PROX1: variants seen among roughly 807,000 people sequenced by gnomAD.
PROX1 encodes prospero homeobox protein 1.
A neutral mutation model predicts 58.8 loss-of-function variants in PROX1; 7 were observed. The observed-to-expected ratio is 0.12, with a 90% CI of 0.07 to 0.22. The LOEUF is 0.22. Ranked by LOEUF, PROX1 falls within the 10% of genes least tolerant of loss-of-function variation. The pLI, the probability that PROX1 is intolerant of heterozygous loss-of-function variation, is 1.00. For missense variants in PROX1, 675 were observed against 927.8 expected, an observed-to-expected ratio of 0.73 and a Z score of 3.54; for synonymous variants, 350 against 358.3, an observed-to-expected ratio of 0.98 and a Z score of 0.26.
chr1:213,995,276 G>A (rs1239529208), intron 1 of PROX1, among the ~76,000 whole-genome samples: 1 of 152,196 alleles, frequency 6.6e-6, no homozygotes. Flanking sequence ...TTTGGGATTA[G>A]CATCACTAGT....
intron 1 of PROX1, among the ~76,000 whole-genome samples, chr1:213,992,046 G>A (rs905109082): frequency 2.0e-5 from 3 of 152,130 alleles, no homozygotes; most frequent in Non-Finnish European, 4.4e-5. Flanking sequence ...AGAAAAAAGT[G>A]TATTTTCTTA....
intron 1 of PROX1, among the ~76,000 whole-genome samples, chr1:213,994,744 C>T (rs1663179206): frequency 9.2e-6 from 1 of 108,724 alleles, no homozygotes; most frequent in African/African-American, 3.5e-5. Flanking sequence ...CATTCTCAAG[C>T]ATGCAAATAT....
rs989742106 is a variant in PROX1 at position 214,005,215 on chromosome 1, T to C, written c.1776T>C (p.Phe592=). ...ACTTGAAAAAAGCAAAGCTCATGTT[T>C]TTTTATACCCGTTATCCCAGCTCCA... The part of the protein sequence containing the change: ...PNHLKKAKLM[F]FYTRYPSSNM... The change falls in exon 3 of 5, where the codon TTT becomes TTC. Residue 592 remains phenylalanine, a synonymous_variant. Transcript: ENST00000366958. 6.2e-7 allele frequency: 1 copy of C among 1,614,140 alleles called. No homozygotes were observed. Among genetic ancestry groups the C allele is most frequent in the Admixed American group, 1.7e-5 (1 of 60,010 alleles).
chr1:214,027,268 G>T (rs1477429478), intron 4 of PROX1, among the ~76,000 whole-genome samples: 1 of 149,676 alleles, frequency 6.7e-6, no homozygotes, highest in African/African-American at 2.5e-5. Flanking sequence ...GAGCACAGAA[G>T]AGAGCAGCTT....
At chr1:214,001,687 G>A (rs139701576) in intron 2 of PROX1, among the ~76,000 whole-genome samples, 13 of 152,216 alleles carry the variant, frequency 8.5e-5, no homozygotes, top group African/African-American at 3.1e-4. Flanking sequence ...CCATAGATTA[G>A]AAATGAATTT....
intron 2 of PROX1, among the ~76,000 whole-genome samples, chr1:214,003,534 A>G (rs1018679511): frequency 6.6e-6 from 1 of 152,202 alleles, no homozygotes; most frequent in Non-Finnish European, 1.5e-5. Flanking sequence ...TCGTCTTTGT[A>G]ATCATTAAGG....
At chr1:214,010,335 AT>A (rs1473296479) in intron 3 of PROX1, among the ~76,000 whole-genome samples, 1 of 152,086 alleles carries the variant, frequency 6.6e-6, no homozygotes, top group Non-Finnish European at 1.5e-5. Context: ...TCTGCCATAA[AT>A]TTTCATTCAT....
At chr1:214,013,991 G>A (rs571137371) in intron 4 of PROX1, among the ~76,000 whole-genome samples, 4 of 152,108 alleles carry the variant, frequency 2.6e-5, no homozygotes, top group African/African-American at 4.8e-5. Context: ...GCACACACGC[G>A]TACCGACCAC....
At chr1:214,017,547 C>T (rs748500295) in intron 4 of PROX1, among the ~76,000 whole-genome samples, 7 of 151,572 alleles carry the variant, frequency 4.6e-5, no homozygotes, top group Non-Finnish European at 1.0e-4. Flanking sequence ...CTGTAACCTA[C>T]CCTGTGGCTT....
intron 3 of PROX1, among the ~76,000 whole-genome samples, chr1:214,009,376 T>G (rs1438973102): frequency 2.6e-5 from 4 of 152,214 alleles, no homozygotes; most frequent in African/African-American, 9.6e-5. Flanking sequence ...ATTGATCCTT[T>G]TCTTGTAAGC....
intron 4 of PROX1, among the ~76,000 whole-genome samples, chr1:214,019,412 C>A (rs772576956): frequency 6.6e-6 from 1 of 152,216 alleles, no homozygotes; most frequent in Non-Finnish European, 1.5e-5. Flanking sequence ...CCTGCTGCCT[C>A]TTTTCCTTTT....
upstream of PROX1, chr1:213,985,114 T>C (rs562283992): frequency 6.6e-5 from 10 of 152,338 alleles, no homozygotes; most frequent in East Asian, 1.4e-3. Context: ...ACAAGACCGG[T>C]CAGAACTTGC....
At chr1:214,021,270 A>C (rs1042483299) in intron 4 of PROX1, among the ~76,000 whole-genome samples, 1 of 152,234 alleles carries the variant, frequency 6.6e-6, no homozygotes, top group Non-Finnish European at 1.5e-5. Flanking sequence ...TTAAGATAAT[A>C]ATTCTCTAAG....
intron 4 of PROX1, among the ~76,000 whole-genome samples, chr1:214,031,540 ACTGTTACCAC>A (rs1480700729): frequency 6.6e-6 from 1 of 151,876 alleles, no homozygotes; most frequent in Non-Finnish European, 1.5e-5. Flanking sequence ...GACTTGATTG[ACTGTTACCAC>A]CTGATGCTGA....
At position 214,034,266 on chromosome 1, in the gene PROX1, C is replaced by G. The variant is rs373682899; in HGVS notation, c.2029-1383C>G. On this transcript the variant is annotated intron_variant, in intron 4 of 4. Coordinates refer to ENST00000366958, the MANE Select transcript of PROX1 (RefSeq NM_001270616.2). Reference sequence around the variant, plus strand: ...TACTATTGTTAAAAAGTACATTGCACCCAAGGTGGGAAGAAAGAGATGAAA... The same window carrying G: ...TACTATTGTTAAAAAGTACATTGCAGCCAAGGTGGGAAGAAAGAGATGAAA... Among the ~76,000 whole-genome samples the G allele has an allele frequency of 3.3e-4, 50 of 152,250 alleles. No individual in the cohort carries two copies. In the South Asian group the frequency reaches 0.01, roughly 31 times the overall value.
At chr1:214,021,951 T>TA (rs1359471425) in intron 4 of PROX1, among the ~76,000 whole-genome samples, 1 of 152,236 alleles carries the variant, frequency 6.6e-6, no homozygotes, top group African/African-American at 2.4e-5. Context: ...CTTGAGTCTA[T>TA]AATAATGACA....
chr1:214,030,702 T>C (rs1664619304), intron 4 of PROX1: 1 of 152,198 alleles, frequency 6.6e-6, no homozygotes, highest in South Asian at 2.1e-4. Context: ...TTTTTAACCT[T>C]TGTAATTCCC....
Position 214,024,608 on chromosome 1 carries a change from T to C in PROX1, c.2029-11041T>C, listed in dbSNP as rs1664391482. 2.6e-5 allele frequency among the ~76,000 whole-genome samples: 4 copies of C among 152,266 alleles called. No individual in the cohort carries two copies. In the South Asian group the frequency reaches 8.3e-4, roughly 32 times the overall value. On this transcript the variant is annotated intron_variant, in intron 4 of 4. Transcript: ENST00000366958. Reference sequence around the variant, plus strand: ...CTGAACCCCACTTCCTAACAGCTTCTCCCTAGGCTCCTTACTCACATTGCT... The same window carrying C: ...CTGAACCCCACTTCCTAACAGCTTCCCCCTAGGCTCCTTACTCACATTGCT...
intron 3 of PROX1, among the ~76,000 whole-genome samples, chr1:214,009,640 C>T (rs1663839214): frequency 6.6e-6 from 1 of 152,102 alleles, no homozygotes; most frequent in Non-Finnish European, 1.5e-5. Flanking sequence ...CAACAATAAG[C>T]TTTAAATCTC....
Sources: allele counts gnomAD v4.1 joint callset (sites outside exome capture counted in the v4.1 genomes callset), GRCh38; gene constraint gnomAD v4.1.1; transcripts MANE v1.5; gene names NCBI Gene and HGNC (gene_info 2026-07-23, HGNC 2026-07-21).